DECR1: variants seen among roughly 807,000 people sequenced by gnomAD.
DECR1 encodes the protein 2,4-dienoyl-CoA reductase [(3E)-enoyl-CoA-producing], mitochondrial.
In DECR1, 44 loss-of-function variants were observed where a neutral mutation model predicts 38.8. The ratio of observed to expected loss-of-function variants is 1.13; its 90% CI spans 0.89 to 1.46. DECR1 has a LOEUF of 1.46. Ranked by LOEUF, DECR1 falls within the 40% of genes most tolerant of loss-of-function variation. The pLI is 0.00. For synonymous variants in DECR1, 148 were observed against 135.2 expected, an observed-to-expected ratio of 1.09 and a Z score of -0.66; for missense variants, 428 against 405.5, an observed-to-expected ratio of 1.06 and a Z score of -0.48.
intron 7 of DECR1, among the ~76,000 whole-genome samples, chr8:90,043,191 A>G (rs1489632171): frequency 6.6e-6 from 1 of 152,112 alleles, no homozygotes; most frequent in African/African-American, 2.4e-5. Flanking sequence ...CTATATTTTT[A>G]GTTTGAGAGA....
At chr8:90,034,198 A>G (rs1332042463) in intron 5 of DECR1, among the ~76,000 whole-genome samples, 1 of 152,206 alleles carries the variant, frequency 6.6e-6, no homozygotes, top group Non-Finnish European at 1.5e-5. Context: ...GAGAAACTAA[A>G]TATATGGAGC....
At chr8:90,041,369 C>G (rs190822398) in intron 6 of DECR1, among the ~76,000 whole-genome samples, 1 of 152,008 alleles carries the variant, frequency 6.6e-6, no homozygotes, top group Non-Finnish European at 1.5e-5. Flanking sequence ...TTTGTAGATT[C>G]TGGATATTAG....
chr8:90,049,240 A>T (rs371059260), intron 8 of DECR1, among the ~76,000 whole-genome samples: 1 of 152,136 alleles, frequency 6.6e-6, no homozygotes, highest in Non-Finnish European at 1.5e-5. Flanking sequence ...GTCAAATTGT[A>T]CCTGTTTGCA....
At chr8:90,039,149 G>T (rs1265111777) in intron 6 of DECR1, among the ~76,000 whole-genome samples, 1 of 152,032 alleles carries the variant, frequency 6.6e-6, no homozygotes, top group African/African-American at 2.4e-5. Context: ...GGCATTATAG[G>T]TTCCCAAATT....
chr8:90,001,518 T>C lies in DECR1; in HGVS notation c.26T>C (p.Phe9Ser). 6.2e-7 allele frequency: 1 copy of C among 1,614,008 alleles called. No individual in the cohort carries two copies. Among genetic ancestry groups the C allele is most frequent in the African/African-American group, 1.3e-5 (1 of 75,060 alleles). Reference protein sequence around the residue: MKLPARVFFTLGSRLPCGL... With the variant: MKLPARVFSTLGSRLPCGL... ...ATGAAGCTACCGGCCAGGGTTTTCT[T>C]TACTCTGGGGTCCCGGCTGCCCTGT... The change falls in exon 1 of 10, where the codon TTT (phenylalanine) becomes TCT (serine). Residue 9 changes from phenylalanine to serine, a missense_variant. By Grantham distance (155) the Phe-to-Ser change is radical. Coordinates refer to ENST00000220764, the MANE Select transcript of DECR1 (RefSeq NM_001359.2).
rs759462502 is a variant in DECR1, at chr8:90,044,901, G to A, written c.791G>A (p.Gly264Asp). 12 of 1,613,196 alleles carry A rather than the reference G, an allele frequency of 7.4e-6. No homozygotes were observed. Among genetic ancestry groups the A allele is most frequent in the African/African-American group, 6.7e-5 (5 of 74,882 alleles). Reference protein sequence around the residue: ...PTGTFEKEMIGRIPCGRLGTV... With the variant: ...PTGTFEKEMIDRIPCGRLGTV... ...GGAACATTTGAGAAAGAAATGATTGGCAGAATTCCCTGTGGTCGCCTGGGG... is the reference window on the plus strand; with the variant it reads ...GGAACATTTGAGAAAGAAATGATTGACAGAATTCCCTGTGGTCGCCTGGGG... The change falls in exon 8 of 10, where the codon GGC (glycine) becomes GAC (aspartate). Residue 264 changes from glycine (G) to aspartate (D), a missense_variant. Coordinates refer to ENST00000220764, the MANE Select transcript of DECR1 (RefSeq NM_001359.2).
rs1814114271 is a variant in DECR1, at chr8:90,052,104, AAGG to A, written c.*211_*213del. ...TCCTTCAAAACATTAAAAAAAAAAA[AAGG>A]AGGCATGGGGAGAGTAGGTAAAGGC... is the stretch of plus-strand genomic sequence containing the variant. On this transcript the variant is annotated 3_prime_UTR_variant, in exon 10 of 10. Transcript: ENST00000220764. 3.9e-6 allele frequency: 2 copies of A among 512,950 alleles called. No homozygotes were observed. Among genetic ancestry groups the A allele is most frequent in the South Asian group, 2.8e-5 (1 of 36,180 alleles). The allele number at this position is 512,950 out of a possible 1,614,324, so 31.8% of individuals were successfully genotyped here.
rs1813024289 is a variant in DECR1 at position 90,017,032 on chromosome 8, G to T, written c.70-92G>T. ...TGAGTTTGTGTTAATACAAGAATTTGATTACTATTAAATTCAAGAGCATGT... is the reference window on the plus strand; with the variant it reads ...TGAGTTTGTGTTAATACAAGAATTTTATTACTATTAAATTCAAGAGCATGT... On this transcript the variant is annotated intron_variant, in intron 1 of 9. Transcript: ENST00000220764. 8 of 800,178 alleles carry T rather than the reference G, an allele frequency of 1.0e-5. No individual in the cohort carries two copies. In the East Asian group the frequency reaches 2.1e-4, roughly 21 times the overall value. The allele number at this position is 800,178 out of a possible 1,614,324, so 49.6% of individuals were successfully genotyped here. A position where few individuals can be genotyped will look rare whatever the true frequency, so the allele number is the denominator to read the frequency against.
chr8:90,050,867 C>T (rs1437586008), intron 8 of DECR1, among the ~76,000 whole-genome samples: 1 of 152,118 alleles, frequency 6.6e-6, no homozygotes, highest in Admixed American at 6.6e-5. Context: ...AGTTCATGTC[C>T]TTTGTAGGGA....
At chr8:90,028,938 G>C (rs1206469099) in intron 5 of DECR1, among the ~76,000 whole-genome samples, 1 of 152,026 alleles carries the variant, frequency 6.6e-6, no homozygotes, top group Non-Finnish European at 1.5e-5. Context: ...TTTTTTTAAT[G>C]TAGGAAGTGA....
At chr8:90,017,382 C>A in intron 2 of DECR1, 56 bp downstream of exon 2, 2 of 1,424,592 alleles carry the variant, frequency 1.4e-6, no homozygotes, top group Non-Finnish European at 1.9e-6. Flanking sequence ...TGTTCTGTGC[C>A]ATAGTATTGA....
In DECR1 at chr8:90,053,006, G is replaced by A. The variant is rs1050394755; in HGVS notation, c.*1109G>A. On this transcript the variant is annotated 3_prime_UTR_variant, in exon 10 of 10. Transcript: ENST00000220764. Reference sequence around the variant, plus strand: ...TAAATTACATTTATTACATTTAATTGTGTATATATAGGGGATGTTATAGGT... The same window carrying A: ...TAAATTACATTTATTACATTTAATTATGTATATATAGGGGATGTTATAGGT... Among the ~76,000 whole-genome samples, 2 of 152,068 alleles carry A rather than the reference G, an allele frequency of 1.3e-5. No individual in the cohort carries two copies. Among genetic ancestry groups the A allele is most frequent in the Admixed American group, 1.3e-4 (2 of 15,262 alleles).
In DECR1 at chr8:90,045,069, A is replaced by G. The variant is rs779737465; in HGVS notation, c.885+74A>G. ...GGCAGGGAGGTCTGTTGTGGAACCA[A>G]TCCTGACAATGCTGAATGTAAATAT... On this transcript the variant is annotated intron_variant, in intron 8 of 9. Transcript: ENST00000220764. 3.1e-5 allele frequency: 42 copies of G among 1,348,850 alleles called. No individual in the cohort carries two copies. The East Asian group carries it at 7.8e-4, about 25-fold the overall frequency. The allele number at this position is 1,348,850 out of a possible 1,614,324, so 83.6% of individuals were successfully genotyped here. A position where few individuals can be genotyped will look rare whatever the true frequency, so the allele number is the denominator to read the frequency against.
chr8:90,025,651 A>G (rs143242819), intron 5 of DECR1, among the ~76,000 whole-genome samples: 3,576 of 152,276 alleles, frequency 0.023, 134 homozygotes, highest in African/African-American at 0.081. Context: ...TAAATATACA[A>G]TCATGTCATC....
chr8:90,017,614 C>T (rs772032869), intron 2 of DECR1, among the ~76,000 whole-genome samples: 19 of 152,034 alleles, frequency 1.2e-4, no homozygotes, highest in Admixed American at 6.5e-5. Context: ...TTTCTGTACA[C>T]GAAGATGAAG....
intron 5 of DECR1, among the ~76,000 whole-genome samples, chr8:90,025,486 T>G (rs2130081765): frequency 6.6e-6 from 1 of 152,356 alleles, no homozygotes; most frequent in South Asian, 2.1e-4. Flanking sequence ...TTGAAGCAAT[T>G]GTGAATGGGA....
Position 90,017,274 on chromosome 8 carries a change from G to C in DECR1, c.220G>C (p.Gly74Arg), listed in dbSNP as rs781084566. ...TGGGGGAGGTACTGGCCTTGGTAAA[G>C]GAATGACAACTCTTCTGTCCAGCCT... ...ITGGGTGLGK[G>R]MTTLLSSLGA... Residue 74 changes from glycine (G) to arginine (R), a missense_variant, in exon 2 of 10, where the codon GGA (glycine) becomes CGA (arginine). Physicochemically the swap from Gly to Arg is moderately radical, Grantham distance 125. Transcript: ENST00000220764. 1 of 1,614,062 alleles carries C rather than the reference G, an allele frequency of 6.2e-7. No individual in the cohort carries two copies. Among genetic ancestry groups the C allele is most frequent in the East Asian group, 2.2e-5 (1 of 44,898 alleles).
At chr8:90,018,127 A>G (rs1469586739) in intron 2 of DECR1, among the ~76,000 whole-genome samples, 1 of 152,192 alleles carries the variant, frequency 6.6e-6, no homozygotes, top group Non-Finnish European at 1.5e-5. Flanking sequence ...ACCTCAGGTG[A>G]TCCACCCGCC....
chr8:90,042,638 T>C (rs1813789942), intron 6 of DECR1, 90 bp from the exon 7 acceptor site: 4 of 1,060,196 alleles, frequency 3.8e-6, no homozygotes, highest in Non-Finnish European at 4.4e-6. Flanking sequence ...ATCTCTGGCA[T>C]GTAGTAAGCA....
Sources: gnomAD v4.1 joint callset for allele counts (sites outside exome capture counted in the v4.1 genomes callset) on GRCh38, gnomAD v4.1.1 for gene constraint, MANE v1.5 for transcripts, NCBI Gene and HGNC (gene_info 2026-07-23, HGNC 2026-07-21) for gene names.